The following PRKAR1A variants were observed in gnomAD, a reference collection of about 807,000 sequenced individuals.
The protein encoded by PRKAR1A is protein kinase cAMP-dependent type I regulatory subunit alpha, also known as cAMP-dependent protein kinase type I-alpha regulatory subunit.
PRKAR1A carries 3 observed loss-of-function variants against 52.0 expected under a neutral mutation model. The ratio of observed to expected loss-of-function variants is 0.06; its 90% confidence interval spans 0.03 to 0.15. The LOEUF (loss-of-function observed/expected upper bound fraction) is 0.15. Among genes scored for constraint, PRKAR1A ranks in the 10% least tolerant of loss-of-function variants. The probability of loss-of-function intolerance (pLI) is 1.00; values close to 1 mark genes in which losing one functional copy is unlikely to be tolerated. For missense variants in PRKAR1A, 240 were observed against 477.4 expected, an observed-to-expected ratio of 0.50 and a Z score of 4.63; for synonymous variants, 188 against 168.4, an observed-to-expected ratio of 1.12 and a Z score of -0.90.
chr17:68,534,757 A>G (rs781699499), downstream of PRKAR1A, among the ~76,000 whole-genome samples: 2 of 152,130 alleles, frequency 1.3e-5, no homozygotes, highest in African/African-American at 2.4e-5. Context: ...CATGAGTACA[A>G]TGTTAATGAA....
rs1236852130 is a variant in PRKAR1A at position 68,533,373 on chromosome 17, C to G, written c.*2924C>G. ...CCTTTTCTAGATTCAGTAATCCCTT[C>G]CCCCCGTCCTCTGGAGTATGAAACC... On this transcript the variant is annotated 3_prime_UTR_variant, in exon 11 of 11. Transcript: ENST00000589228. 1 of 1,061,388 alleles carries G rather than the reference C, an allele frequency of 9.4e-7. No individual in the cohort carries two copies. Among genetic ancestry groups the G allele is most frequent in the Non-Finnish European group, 1.1e-6 (1 of 876,694 alleles). The allele number at this position is 1,061,388 out of a possible 1,614,324, so 65.7% of individuals were successfully genotyped here.
At chr17:68,424,440 A>C in the PRKAR1A span, 1 of 534,768 alleles carries the variant, frequency 1.9e-6, no homozygotes, top group Non-Finnish European at 3.8e-6. Context: ...CCTGCACTCC[A>C]TCCTTTTACA....
the PRKAR1A span, chr17:68,452,919 G>A: frequency 1.5e-5 from 24 of 1,613,690 alleles, no homozygotes; most frequent in Non-Finnish European, 1.9e-5. Flanking sequence ...CTGCTTCCGT[G>A]GACTTGATCC....
the PRKAR1A span, chr17:68,420,438 T>C: frequency 6.2e-7 from 1 of 1,614,060 alleles, no homozygotes; most frequent in Non-Finnish European, 8.5e-7. Context: ...CCCTACCAAA[T>C]TGCCTGCCGC....
At position 68,515,584 on chromosome 17, in the gene PRKAR1A, T is replaced by G; in HGVS notation, c.177+8T>G. 1 of 1,610,808 alleles carries G rather than the reference T, an allele frequency of 6.2e-7. No individual in the cohort carries two copies. Among genetic ancestry groups the G allele is most frequent in the Non-Finnish European group, 8.5e-7 (1 of 1,178,894 alleles). ...TTTGAGAGGTTGGAGAAGGTAAAAA[T>G]AAATGTGGGGAGATGATGAGGTGAT... is the stretch of plus-strand genomic sequence containing the variant. On this transcript the variant is annotated splice_region_variant and intron_variant, in intron 2 of 10. Transcript: ENST00000589228.
At chr17:68,447,712 G>T in the PRKAR1A span, among the ~76,000 whole-genome samples, 2,464 of 152,196 alleles carry the variant, frequency 0.016, 59 homozygotes, top group African/African-American at 0.056. Flanking sequence ...GGGATTTGGG[G>T]CCAGGTGCGG....
the PRKAR1A span, among the ~76,000 whole-genome samples, chr17:68,483,800 G>T: frequency 4.6e-5 from 7 of 151,950 alleles, no homozygotes; most frequent in Non-Finnish European, 1.0e-4. Context: ...GGTGGAGGTT[G>T]CGGTGAGCTG....
chr17:68,430,776 G>A, the PRKAR1A span, among the ~76,000 whole-genome samples: 481 of 152,298 alleles, frequency 3.2e-3, 4 homozygotes, highest in African/African-American at 0.011. Flanking sequence ...CTGTTGGTGA[G>A]AGACAACCCC....
chr17:68,511,594 C>G (rs1826800766), upstream of PRKAR1A, among the ~76,000 whole-genome samples: 1 of 152,212 alleles, frequency 6.6e-6, no homozygotes, highest in Non-Finnish European at 1.5e-5. Context: ...CTCTTGGACC[C>G]TGACAAAGTC....
chr17:68,522,083 G>A (rs949216850), intron 2 of PRKAR1A, among the ~76,000 whole-genome samples: 1 of 152,248 alleles, frequency 6.6e-6, no homozygotes, highest in South Asian at 2.1e-4. Context: ...TCTGCTGGGA[G>A]AAGTATTATA....
chr17:68,426,346 AT>A, the PRKAR1A span, among the ~76,000 whole-genome samples: 6 of 151,828 alleles, frequency 4.0e-5, no homozygotes, highest in Non-Finnish European at 7.4e-5. Flanking sequence ...ACCATCTGCC[AT>A]CTTTAAGCCT....
At chr17:68,486,493 CCTTCCTTCCTTCCTTCTTTCTTTCTT>C in the PRKAR1A span, among the ~76,000 whole-genome samples, 1 of 48,312 alleles carries the variant, frequency 2.1e-5, no homozygotes, top group East Asian at 7.7e-4. Flanking sequence ...TTCCTTCCTT[CCTTCCTTCCTTCCTTCTTTCTTTCTT>C]TCTTTCTTTC....
In PRKAR1A at chr17:68,530,553, C is replaced by T. The variant is rs1468373104; in HGVS notation, c.*104C>T. On this transcript the variant is annotated 3_prime_UTR_variant, in exon 11 of 11. Transcript: ENST00000589228. The stretch of plus-strand genomic sequence containing the variant: ...TGCAGCGCCAAGTGGCCACTGGCAT[C>T]GCAGCTTCCTGTCTGTTTATATATT... The T allele has an allele frequency of 3.1e-6, 5 of 1,601,856 alleles. No homozygotes were observed. The highest frequency in any genetic ancestry group is 1.7e-5 in the Admixed American group (1 of 58,146).
the PRKAR1A span, chr17:68,436,399 A>G: frequency 6.2e-7 from 1 of 1,613,936 alleles, no homozygotes; most frequent in East Asian, 2.2e-5. Flanking sequence ...TTTCCATCAT[A>G]AAGCACAATC....
the PRKAR1A span, chr17:68,450,887 C>T: frequency 4.5e-5 from 72 of 1,611,540 alleles, no homozygotes; most frequent in African/African-American, 6.7e-5. Context: ...TGTAGACGTC[C>T]GGGATTTCAT....
chr17:68,548,980 C>A (rs1428277714), intron 11 of PRKAR1A, among the ~76,000 whole-genome samples: 1 of 152,010 alleles, frequency 6.6e-6, no homozygotes, highest in Admixed American at 6.5e-5. Context: ...GATCTGCCCG[C>A]CTCAGCCTCC....
the PRKAR1A span, among the ~76,000 whole-genome samples, chr17:68,458,965 G>T: frequency 6.6e-6 from 1 of 151,992 alleles, no homozygotes; most frequent in Admixed American, 6.6e-5. Context: ...TTTAACCTTG[G>T]ACCTACAATA....
chr17:68,436,266 T>C, the PRKAR1A span: 1 of 871,024 alleles, frequency 1.1e-6, no homozygotes, highest in Non-Finnish European at 1.9e-6. Flanking sequence ...AACTCCCCAG[T>C]ATTGCTTACT....
intron 10 of PRKAR1A, 106 bp downstream of exon 10, chr17:68,530,107 A>T (rs765411126): frequency 1.3e-6 from 2 of 1,488,386 alleles, no homozygotes; most frequent in South Asian, 2.3e-5. Flanking sequence ...TTTATTTTCT[A>T]ACTGCAGTCT....
Sources: gnomAD v4.1 joint callset for allele counts (sites outside exome capture counted in the v4.1 genomes callset) on GRCh38, gnomAD v4.1.1 for gene constraint, MANE v1.5 for transcripts, NCBI Gene and HGNC (gene_info 2026-07-23, HGNC 2026-07-21) for gene names.